Variants in CCDC93 observed in about 807,000 individuals in gnomAD.
CCDC93 encodes the protein CCC complex scaffolding subunit CCDC93.
In CCDC93, 61 loss-of-function variants were observed where a neutral mutation model predicts 108.2. The ratio of observed to expected loss-of-function variants is 0.56; its 90% CI spans 0.46 to 0.70. The LOEUF (loss-of-function observed/expected upper bound fraction) is 0.70. CCDC93 is among the 30% of genes least tolerant of loss of function. CCDC93 has a pLI of 0.00. For missense variants in CCDC93, 685 were observed against 764.2 expected, an observed-to-expected ratio of 0.90 and a Z score of 1.22; for synonymous variants, 276 against 260.4, an observed-to-expected ratio of 1.06 and a Z score of -0.58.
At position 118,001,777 on chromosome 2, in the gene CCDC93, G is replaced by A. The variant is rs529738908; in HGVS notation, c.252-845C>T. On this transcript the variant is annotated intron_variant, in intron 3 of 23. Transcript: ENST00000376300. ...GGTAGGACAGTTTATGGCAGCACTG[G>A]TGGAGGGATTTGTATGCAAGTCTGT... 5.9e-5 allele frequency among the ~76,000 whole-genome samples: 9 copies of A among 152,318 alleles called. No individual in the cohort carries two copies. In the South Asian group the frequency reaches 1.2e-3, roughly 21 times the overall value.
rs3771944 is a variant in CCDC93, at chr2:117,951,590, C to T, written c.1068+783G>A. 29 of 1,000,130 alleles carry T rather than the reference C, an allele frequency of 2.9e-5. No individual in the cohort carries two copies. The East Asian group carries it at 3.3e-3, about 113-fold the overall frequency. 62.0% of individuals were successfully genotyped at this position (1,000,130 alleles called of 1,614,324 possible). ...TGAAGATCCTAGCTTCCAAATCGTCCAGGAAGTACGAGGTAGGGACCTTGC... is the reference window on the plus strand; with the variant it reads ...TGAAGATCCTAGCTTCCAAATCGTCTAGGAAGTACGAGGTAGGGACCTTGC... On this transcript the variant is annotated intron_variant, in intron 13 of 23. Transcript: ENST00000376300.
chr2:117,952,449 A>T lies in CCDC93; in HGVS notation c.1006-14T>A. The T allele has an allele frequency of 6.3e-7, 1 of 1,581,206 alleles. No individual in the cohort carries two copies. Among genetic ancestry groups the T allele is most frequent in the East Asian group, 2.2e-5 (1 of 44,676 alleles). ...ACTTGCTCGCAGCTGTAAATGAAAGATAAAAGACATATGCTCTCATTTGAT... is the reference window on the plus strand; with the variant it reads ...ACTTGCTCGCAGCTGTAAATGAAAGTTAAAAGACATATGCTCTCATTTGAT... On this transcript the variant is annotated splice_polypyrimidine_tract_variant and intron_variant, in intron 12 of 23. Transcript: ENST00000376300.
At chr2:117,952,500 TCA>T (rs1433822138) in intron 12 of CCDC93, 65 bp from the exon 13 acceptor site, 7 of 1,157,544 alleles carry the variant, frequency 6.0e-6, no homozygotes, top group Non-Finnish European at 9.1e-6. Flanking sequence ...GATGTGAATT[TCA>T]CAGATGAGAA....
At chr2:117,935,413 C>A in intron 22 of CCDC93, 82 bp downstream of exon 22, 1 of 986,878 alleles carries the variant, frequency 1.0e-6, no homozygotes. Context: ...CCCCAACTAC[C>A]AGAAGAGGCC....
At chr2:117,977,858 T>C (rs1679992732) in intron 8 of CCDC93, 136 bp downstream of exon 8, 18 of 730,568 alleles carry the variant, frequency 2.5e-5, no homozygotes, top group East Asian at 1.1e-4. Context: ...AGGACGGAGA[T>C]GCAGGGGCCA....
chr2:118,006,438 G>C (rs1403799877), intron 3 of CCDC93, among the ~76,000 whole-genome samples: 4 of 152,224 alleles, frequency 2.6e-5, no homozygotes, highest in African/African-American at 9.6e-5. Context: ...GCCTTACACA[G>C]AGGCAATGGG....
chr2:117,931,068 A>T lies in CCDC93; in HGVS notation c.1811T>A (p.Leu604Gln). The T allele has an allele frequency of 6.2e-7, 1 of 1,613,364 alleles. No homozygotes were observed. The highest frequency in any genetic ancestry group is 8.5e-7 in the Non-Finnish European group (1 of 1,179,334). Residue 604 changes from leucine (L) to glutamine (Q), a missense_variant, in exon 23 of 24, where the codon CTA becomes CAA. By Grantham distance (113) the Leu-to-Gln change is moderately radical (BLOSUM62 -2). Transcript: ENST00000376300. ...GAACTCTTTCACAGTCTTAAAGTAT[A>T]GCCTCTGCTTTTCTAACAGCTCCAA... The part of the protein sequence containing the change: ...QYLELLEKQR[L>Q]YFKTVKEFKE...
intron 21 of CCDC93, among the ~76,000 whole-genome samples, chr2:117,936,286 AG>A (rs766059137): frequency 6.6e-6 from 1 of 152,160 alleles, no homozygotes; most frequent in South Asian, 2.1e-4. Flanking sequence ...CTTGACATCT[AG>A]TTTTTAGAGA....
At chr2:117,973,856 A>G in intron 11 of CCDC93, 52 bp downstream of exon 11, 12 of 1,403,528 alleles carry the variant, frequency 8.5e-6, no homozygotes, top group Non-Finnish European at 1.2e-5. Context: ...GTGGGAGAAC[A>G]AAGCCATGGA....
chr2:117,935,707 G>A, intron 21 of CCDC93, 128 bp from the exon 22 acceptor site: 1 of 566,276 alleles, frequency 1.8e-6, no homozygotes, highest in Non-Finnish European at 3.0e-6. Flanking sequence ...GTAACGCACA[G>A]TGGAGCCACG....
intron 7 of CCDC93, chr2:117,985,604 T>C (rs1253522560): frequency 1.3e-5 from 2 of 156,932 alleles, no homozygotes; most frequent in Non-Finnish European, 2.8e-5. Context: ...GTTAGGACAA[T>C]ATTCACAGGA....
At chr2:117,936,985 G>A (rs191709640) in intron 20 of CCDC93, 9 of 510,442 alleles carry the variant, frequency 1.8e-5, no homozygotes, top group Non-Finnish European at 3.2e-5. Flanking sequence ...CCACAGGAAT[G>A]TAGGGAGAAG....
chr2:117,922,249 T>A (rs374173345), intron 23 of CCDC93, among the ~76,000 whole-genome samples: 2 of 152,172 alleles, frequency 1.3e-5, no homozygotes, highest in South Asian at 2.1e-4. Flanking sequence ...TACTTTTCGG[T>A]AGAGACAGCC....
intron 7 of CCDC93, among the ~76,000 whole-genome samples, chr2:117,984,561 T>A (rs1290164269): frequency 6.6e-6 from 1 of 152,194 alleles, no homozygotes; most frequent in Non-Finnish European, 1.5e-5. Flanking sequence ...GATCTAGAAT[T>A]CTGTCAACAT....
At chr2:117,928,097 T>C (rs1269305795) in intron 23 of CCDC93, among the ~76,000 whole-genome samples, 3 of 152,110 alleles carry the variant, frequency 2.0e-5, no homozygotes, top group African/African-American at 4.8e-5. Context: ...TTACACCTTA[T>C]ACAAAAATTA....
chr2:117,971,774 C>T (rs1679771105), intron 11 of CCDC93, among the ~76,000 whole-genome samples: 1 of 152,164 alleles, frequency 6.6e-6, no homozygotes. Flanking sequence ...ATGATTACAA[C>T]TATACACAAC....
At chr2:117,938,321 A>G (rs746795314) in intron 20 of CCDC93, among the ~76,000 whole-genome samples, 3 of 152,190 alleles carry the variant, frequency 2.0e-5, no homozygotes, top group African/African-American at 4.8e-5. Context: ...TCTTTTTTAA[A>G]TTAAGACATA....
chr2:117,973,614 A>T (rs1679836896), intron 11 of CCDC93, among the ~76,000 whole-genome samples: 1 of 152,194 alleles, frequency 6.6e-6, no homozygotes, highest in South Asian at 2.1e-4. Context: ...AAAAGAAAAA[A>T]TGCTCATCCC....
At chr2:117,983,346 G>GT (rs1680207175) in intron 7 of CCDC93, among the ~76,000 whole-genome samples, 2 of 152,140 alleles carry the variant, frequency 1.3e-5, no homozygotes, top group Non-Finnish European at 1.5e-5. Context: ...CACTTCTGTG[G>GT]TTTTCCCCCC....
Sources: gnomAD v4.1 joint callset for allele counts (sites outside exome capture counted in the v4.1 genomes callset) on GRCh38, gnomAD v4.1.1 for gene constraint, MANE v1.5 for transcripts, NCBI Gene and HGNC (gene_info 2026-07-23, HGNC 2026-07-21) for gene names.